ZNG1E: variants seen among roughly 807,000 people sequenced by gnomAD.
ZNG1E encodes Zn regulated GTPase metalloprotein activator 1E.
chr9:65,714,617 C>G, the ZNG1E span, among the ~76,000 whole-genome samples: 4 of 152,110 alleles, frequency 2.6e-5, no homozygotes, highest in Non-Finnish European at 4.4e-5. Flanking sequence ...GGACCTTCAG[C>G]TGCAGGTCTG....
At chr9:65,683,829 A>G in the ZNG1E span, among the ~76,000 whole-genome samples, 1 of 152,286 alleles carries the variant, frequency 6.6e-6, no homozygotes, top group Non-Finnish European at 1.5e-5. Context: ...ATGGGTTTTC[A>G]TACCTTTCTG....
At chr9:65,710,256 C>T in the ZNG1E span, among the ~76,000 whole-genome samples, 1 of 146,852 alleles carries the variant, frequency 6.8e-6, no homozygotes, top group East Asian at 1.9e-4. Context: ...GGATATTAGC[C>T]CTTTGTCAGA....
chr9:65,678,054 C>T, the ZNG1E span, among the ~76,000 whole-genome samples: 81 of 150,312 alleles, frequency 5.4e-4, no homozygotes, highest in Middle Eastern at 3.5e-3. Flanking sequence ...AAATCTGTAA[C>T]GTATTAGAAA....
At chr9:65,679,589 T>C in the ZNG1E span, 11 of 383,932 alleles carry the variant, frequency 2.9e-5, no homozygotes, top group Admixed American at 8.9e-5. Flanking sequence ...GGAGTCTCTC[T>C]CTGTCGCCAG....
At chr9:65,687,220 G>A in the ZNG1E span, among the ~76,000 whole-genome samples, 1 of 138,542 alleles carries the variant, frequency 7.2e-6, no homozygotes, top group Non-Finnish European at 1.5e-5. Flanking sequence ...CTAGTTTCGT[G>A]TTGATCATAT....
At chr9:65,676,865 G>A in the ZNG1E span, among the ~76,000 whole-genome samples, 1 of 146,904 alleles carries the variant, frequency 6.8e-6, no homozygotes, top group African/African-American at 2.6e-5. Flanking sequence ...CAGTTAAATA[G>A]AAGGGCTAGA....
chr9:65,714,748 T>C, the ZNG1E span, among the ~76,000 whole-genome samples: 1 of 151,444 alleles, frequency 6.6e-6, no homozygotes, highest in South Asian at 2.1e-4. Flanking sequence ...GGAGGCAGTC[T>C]GCCCGTTCTC....
At chr9:65,669,245 G>A in the ZNG1E span, among the ~76,000 whole-genome samples, 1 of 134,796 alleles carries the variant, frequency 7.4e-6, no homozygotes. Flanking sequence ...AATTAAGTAT[G>A]ATTAAACACT....
the ZNG1E span, among the ~76,000 whole-genome samples, chr9:65,717,277 AC>A: frequency 6.7e-6 from 1 of 149,948 alleles, no homozygotes; most frequent in African/African-American, 2.5e-5. Context: ...TTAAGCGAAT[AC>A]AGCCCTAAGC....
At chr9:65,688,189 A>G in the ZNG1E span, among the ~76,000 whole-genome samples, 1 of 143,532 alleles carries the variant, frequency 7.0e-6, no homozygotes, top group Non-Finnish European at 1.5e-5. Context: ...ATTAATTATT[A>G]ATTAATTGGT....
chr9:65,684,485 C>T, the ZNG1E span, among the ~76,000 whole-genome samples: 315 of 152,024 alleles, frequency 2.1e-3, no homozygotes, highest in African/African-American at 6.3e-3. Context: ...TGCGGTGAGC[C>T]GAGATCACGC....
chr9:65,687,496 T>C, the ZNG1E span, among the ~76,000 whole-genome samples: 1 of 152,268 alleles, frequency 6.6e-6, no homozygotes, highest in African/African-American at 2.4e-5. Context: ...AGTCACACTT[T>C]TTTCCCCCAA....
At chr9:65,673,788 G>C in the ZNG1E span, among the ~76,000 whole-genome samples, 3 of 152,298 alleles carry the variant, frequency 2.0e-5, no homozygotes, top group South Asian at 2.1e-4. Context: ...CTGGGCGACA[G>C]AGTGAGACCC....
At chr9:65,667,016 T>G in the ZNG1E span, among the ~76,000 whole-genome samples, 93 of 151,876 alleles carry the variant, frequency 6.1e-4, no homozygotes, top group African/African-American at 2.0e-3. Flanking sequence ...GGACACGGTT[T>G]CACCATGTCG....
At chr9:65,694,091 CAAATA>C in the ZNG1E span, among the ~76,000 whole-genome samples, 2 of 150,396 alleles carry the variant, frequency 1.3e-5, no homozygotes, top group African/African-American at 4.9e-5. Context: ...AGAATGATCC[CAAATA>C]CAGTATTACA....
chr9:65,673,623 A>C, the ZNG1E span, among the ~76,000 whole-genome samples: 2 of 152,250 alleles, frequency 1.3e-5, no homozygotes, highest in Non-Finnish European at 2.9e-5. Context: ...CAACATAGTG[A>C]GACCCTGTCT....
the ZNG1E span, among the ~76,000 whole-genome samples, chr9:65,657,938 A>G: frequency 6.6e-6 from 1 of 152,264 alleles, no homozygotes; most frequent in Admixed American, 6.5e-5. Flanking sequence ...CATCTCTACT[A>G]AAAATACAAA....
At chr9:65,680,598 G>T in the ZNG1E span, among the ~76,000 whole-genome samples, 291 of 152,226 alleles carry the variant, frequency 1.9e-3, no homozygotes, top group Non-Finnish European at 3.3e-3. Context: ...ATATGTAAGT[G>T]TAAAACTACT....
At chr9:65,733,049 G>C in the ZNG1E span, 1 of 1,611,848 alleles carries the variant, frequency 6.2e-7, no homozygotes, top group Admixed American at 1.7e-5. Flanking sequence ...GTGTCCATGA[G>C]CTCTATGATC....
Sources: gnomAD v4.1 joint callset for allele counts (sites outside exome capture counted in the v4.1 genomes callset) on GRCh38, gnomAD v4.1.1 for gene constraint, MANE v1.5 for transcripts, NCBI Gene and HGNC (gene_info 2026-07-23, HGNC 2026-07-21) for gene names.